The following WDR7 variants were observed in gnomAD, a reference collection of about 807,000 sequenced individuals.
WDR7 encodes the protein WD repeat domain 7.
WDR7 carries 46 observed loss-of-function variants against 169.4 expected under a neutral mutation model. That is an observed-to-expected ratio of 0.27 (90% CI 0.21 to 0.35). The LOEUF (loss-of-function observed/expected upper bound fraction) is 0.35, where lower values mean the gene tolerates loss of function less well. WDR7 is among the 10% of genes least tolerant of loss of function. The pLI is 1.00. For missense variants in WDR7, 1,534 were observed against 1,859.3 expected (o/e 0.83, Z 3.22); for synonymous variants, 612 against 666.8 (o/e 0.92, Z 1.27).
At chr18:56,765,617 G>A (rs903263014) in intron 16 of WDR7, among the ~76,000 whole-genome samples, 5 of 151,922 alleles carry the variant, frequency 3.3e-5, no homozygotes, top group Non-Finnish European at 7.4e-5. Context: ...TGTGATTTGT[G>A]TTTAACAGTA....
At chr18:56,943,933 T>C (rs567158333) in intron 25 of WDR7, among the ~76,000 whole-genome samples, 1 of 151,744 alleles carries the variant, frequency 6.6e-6, no homozygotes, top group Admixed American at 6.6e-5. Context: ...TATTTAGTTT[T>C]TTTCACCTTC....
chr18:56,744,023 G>A (rs1276564424), intron 14 of WDR7, among the ~76,000 whole-genome samples: 3 of 152,142 alleles, frequency 2.0e-5, no homozygotes, highest in African/African-American at 4.8e-5. Context: ...AGGCCGAGGC[G>A]GACGGATCAC....
chr18:56,691,145 C>T (rs558718205), intron 7 of WDR7, 71 bp from the exon 8 acceptor site: 28 of 1,527,734 alleles, frequency 1.8e-5, no homozygotes, highest in Middle Eastern at 1.8e-4. Context: ...TTTTTTTAAA[C>T]TTGAAATGTC....
chr18:57,009,871 A>G (rs1368549606), intron 26 of WDR7: 1 of 985,410 alleles, frequency 1.0e-6, no homozygotes, highest in East Asian at 1.1e-4. Context: ...GTGACAAAGG[A>G]GCGGGAACAC....
At chr18:57,007,285 T>A (rs551426573) in intron 26 of WDR7, among the ~76,000 whole-genome samples, 7 of 152,262 alleles carry the variant, frequency 4.6e-5, no homozygotes, top group Non-Finnish European at 7.4e-5. Context: ...GGCCTCCTAA[T>A]GTTTAATAGT....
At chr18:56,970,708 G>A (rs953050518) in intron 26 of WDR7, among the ~76,000 whole-genome samples, 5 of 152,142 alleles carry the variant, frequency 3.3e-5, no homozygotes, top group African/African-American at 9.7e-5. Context: ...TTCACTCTCC[G>A]TGTTGTGCAT....
chr18:56,987,645 T>C (rs961445807), intron 26 of WDR7, among the ~76,000 whole-genome samples: 7 of 152,226 alleles, frequency 4.6e-5, no homozygotes, highest in African/African-American at 1.4e-4. Flanking sequence ...GCATAACCTT[T>C]TAAAGCATTT....
At chr18:56,668,225 G>A (rs1394147034) in intron 1 of WDR7, among the ~76,000 whole-genome samples, 1 of 152,168 alleles carries the variant, frequency 6.6e-6, no homozygotes, top group African/African-American at 2.4e-5. Flanking sequence ...TCTGATGCAT[G>A]TTGGCTATTG....
At chr18:56,925,340 C>G (rs1158549918) in intron 22 of WDR7, among the ~76,000 whole-genome samples, 1 of 152,152 alleles carries the variant, frequency 6.6e-6, no homozygotes, top group Non-Finnish European at 1.5e-5. Context: ...ATTGAGGAAC[C>G]ACCAGACTGT....
chr18:56,945,203 C>T (rs953768090), intron 25 of WDR7, among the ~76,000 whole-genome samples: 1 of 152,172 alleles, frequency 6.6e-6, no homozygotes, highest in Non-Finnish European at 1.5e-5. Context: ...ACAAGGCCAA[C>T]ATGAGAATAG....
At chr18:56,816,304 T>C (rs1449762637) in intron 20 of WDR7, among the ~76,000 whole-genome samples, 160 bp downstream of exon 20, 1 of 152,212 alleles carries the variant, frequency 6.6e-6, no homozygotes, top group East Asian at 1.9e-4. Flanking sequence ...TCCTCTTTAA[T>C]TTTGAGGTGA....
At chr18:56,992,854 T>C (rs947019236) in intron 26 of WDR7, among the ~76,000 whole-genome samples, 1 of 152,202 alleles carries the variant, frequency 6.6e-6, no homozygotes, top group African/African-American at 2.4e-5. Context: ...GGTAAGTTTC[T>C]CATGAAGAGA....
At chr18:56,663,331 G>A (rs2024945389) in intron 1 of WDR7, among the ~76,000 whole-genome samples, 1 of 21,582 alleles carries the variant, frequency 4.6e-5, no homozygotes, top group African/African-American at 5.1e-5. Flanking sequence ...ACAGGTCTGA[G>A]GGAAAACATT....
chr18:56,754,130 A>T (rs1415603377), intron 14 of WDR7, among the ~76,000 whole-genome samples: 1 of 151,826 alleles, frequency 6.6e-6, no homozygotes, highest in Non-Finnish European at 1.5e-5. Flanking sequence ...ATATGTACAC[A>T]CACACTTTGG....
intron 12 of WDR7, among the ~76,000 whole-genome samples, chr18:56,697,186 T>C (rs138888115): frequency 1.3e-5 from 2 of 152,340 alleles, no homozygotes; most frequent in African/African-American, 4.8e-5. Flanking sequence ...CATCGTCTTC[T>C]TGTAGACAAG....
intron 5 of WDR7, among the ~76,000 whole-genome samples, chr18:56,685,447 G>A (rs2025424960): frequency 6.6e-6 from 1 of 152,110 alleles, no homozygotes; most frequent in Non-Finnish European, 1.5e-5. Context: ...CGTGACCCTG[G>A]TGCTGTCACT....
intron 20 of WDR7, among the ~76,000 whole-genome samples, chr18:56,853,523 A>G (rs1191901637): frequency 1.3e-5 from 2 of 152,154 alleles, no homozygotes; most frequent in East Asian, 3.8e-4. Context: ...TTCTAATTTT[A>G]AATATATTTC....
chr18:56,994,433 G>A (rs1373595889), intron 26 of WDR7, among the ~76,000 whole-genome samples: 1 of 152,104 alleles, frequency 6.6e-6, no homozygotes, highest in Non-Finnish European at 1.5e-5. Flanking sequence ...TATGCTTGTA[G>A]CATTTCTGAG....
intron 22 of WDR7, among the ~76,000 whole-genome samples, chr18:56,931,542 G>A (rs537030454): frequency 2.6e-5 from 4 of 152,096 alleles, no homozygotes; most frequent in Non-Finnish European, 5.9e-5. Context: ...CCATGTCCAG[G>A]GGCTGTACCG....
Sources: allele counts gnomAD v4.1 joint callset (sites outside exome capture counted in the v4.1 genomes callset), GRCh38; gene constraint gnomAD v4.1.1; transcripts MANE v1.5; gene names NCBI Gene and HGNC (gene_info 2026-07-23, HGNC 2026-07-21).